The following XKR9 variants were observed in gnomAD, a reference collection of about 807,000 sequenced individuals.
XKR9 encodes XK related 9.
XKR9 carries 32 observed loss-of-function variants against 32.0 expected under a neutral mutation model. That is an observed-to-expected ratio of 1.00 (90% CI 0.76 to 1.34). XKR9 has a LOEUF of 1.34. XKR9 is among the 40% of genes most tolerant of loss of function. The probability of loss-of-function intolerance (pLI) is 0.00; values close to 1 mark genes in which losing one functional copy is unlikely to be tolerated. For missense variants in XKR9, 546 were observed against 429.7 expected (o/e 1.27, Z -2.39); for synonymous variants, 168 against 143.4 (o/e 1.17, Z -1.22).
At chr8:70,941,663 T>C in the XKR9 span, among the ~76,000 whole-genome samples, 1 of 152,122 alleles carries the variant, frequency 6.6e-6, no homozygotes, top group African/African-American at 2.4e-5. Context: ...GTGTCTTAGG[T>C]ATTAAAACTA....
the XKR9 span, among the ~76,000 whole-genome samples, chr8:70,976,488 T>A: frequency 6.6e-6 from 1 of 152,346 alleles, no homozygotes; most frequent in East Asian, 1.9e-4. Flanking sequence ...GTGGTTTTGG[T>A]CTTTGGTTCT....
the XKR9 span, among the ~76,000 whole-genome samples, chr8:70,841,255 C>T: frequency 6.6e-6 from 1 of 152,054 alleles, no homozygotes; most frequent in South Asian, 2.1e-4. Flanking sequence ...TGAGGATATA[C>T]TTAAAAATAA....
the XKR9 span, among the ~76,000 whole-genome samples, chr8:70,955,114 C>T: frequency 1.2e-4 from 19 of 152,306 alleles, no homozygotes; most frequent in African/African-American, 3.8e-4. Flanking sequence ...CAACTTCACC[C>T]GTGACTTCTG....
the XKR9 span, among the ~76,000 whole-genome samples, chr8:71,065,113 C>T: frequency 6.6e-6 from 1 of 152,060 alleles, no homozygotes; most frequent in Non-Finnish European, 1.5e-5. Context: ...AAGAAGAAAG[C>T]ATTTTGAGAA....
At chr8:70,959,994 C>T in the XKR9 span, among the ~76,000 whole-genome samples, 1 of 152,152 alleles carries the variant, frequency 6.6e-6, no homozygotes, top group Non-Finnish European at 1.5e-5. Flanking sequence ...CTTTGGGAGG[C>T]CAAGGTGGGC....
At chr8:70,931,228 T>G in the XKR9 span, among the ~76,000 whole-genome samples, 2 of 151,918 alleles carry the variant, frequency 1.3e-5, no homozygotes, top group Admixed American at 6.6e-5. Context: ...CTCATGTTAA[T>G]GAGATCTGTG....
chr8:70,775,423 T>C (rs1217309907), intron 2 of XKR9, among the ~76,000 whole-genome samples: 3 of 152,194 alleles, frequency 2.0e-5, no homozygotes, highest in Non-Finnish European at 4.4e-5. Context: ...AATATCATAC[T>C]ATTAAGCATG....
At chr8:70,960,743 G>A in the XKR9 span, among the ~76,000 whole-genome samples, 8 of 151,746 alleles carry the variant, frequency 5.3e-5, no homozygotes, top group East Asian at 1.4e-3. Context: ...GTAGTGGCAA[G>A]TGCCTGTAGT....
At chr8:70,934,725 A>T in the XKR9 span, among the ~76,000 whole-genome samples, 1 of 151,960 alleles carries the variant, frequency 6.6e-6, no homozygotes, top group South Asian at 2.1e-4. Context: ...AAATAAATGA[A>T]TTATGCATGT....
chr8:70,869,931 C>T, the XKR9 span, among the ~76,000 whole-genome samples: 1 of 152,312 alleles, frequency 6.6e-6, no homozygotes, highest in East Asian at 1.9e-4. Context: ...CATAACTTCA[C>T]TGAGCCCAAT....
At chr8:70,996,977 C>A in the XKR9 span, among the ~76,000 whole-genome samples, 1 of 152,214 alleles carries the variant, frequency 6.6e-6, no homozygotes, top group Non-Finnish European at 1.5e-5. Flanking sequence ...GGTTTCCAAT[C>A]ATACTTTGGT....
At chr8:70,823,207 A>G in the XKR9 span, among the ~76,000 whole-genome samples, 1 of 152,228 alleles carries the variant, frequency 6.6e-6, no homozygotes, top group Non-Finnish European at 1.5e-5. Flanking sequence ...TCCCACAAAT[A>G]TACTGTAACT....
chr8:70,829,704 T>C, the XKR9 span, among the ~76,000 whole-genome samples: 2,182 of 152,258 alleles, frequency 0.014, 51 homozygotes, highest in African/African-American at 0.049. Flanking sequence ...TCCCTCGGCC[T>C]CCCAAAGGGC....
At chr8:70,954,473 T>C in the XKR9 span, among the ~76,000 whole-genome samples, 1 of 152,240 alleles carries the variant, frequency 6.6e-6, no homozygotes, top group African/African-American at 2.4e-5. Context: ...GCCAGCATTA[T>C]CATTGATTAA....
chr8:70,957,221 T>G, the XKR9 span, among the ~76,000 whole-genome samples: 1 of 152,252 alleles, frequency 6.6e-6, no homozygotes, highest in Non-Finnish European at 1.5e-5. Flanking sequence ...TATTCTGTCT[T>G]TGAAACATTG....
chr8:70,931,941 G>A, the XKR9 span, among the ~76,000 whole-genome samples: 5 of 152,166 alleles, frequency 3.3e-5, no homozygotes, highest in African/African-American at 1.2e-4. Flanking sequence ...TTCAACATGA[G>A]ATTTGGAGGA....
At chr8:70,740,220 A>T (rs529749810), downstream of XKR9, among the ~76,000 whole-genome samples, 30 of 151,884 alleles carry the variant, frequency 2.0e-4, no homozygotes, top group African/African-American at 7.2e-4. Context: ...CATTCATTTC[A>T]TCTTCCATCA....
At chr8:70,879,776 GA>G in the XKR9 span, among the ~76,000 whole-genome samples, 1 of 151,786 alleles carries the variant, frequency 6.6e-6, no homozygotes, top group Non-Finnish European at 1.5e-5. Context: ...CTCATTTTAC[GA>G]GGCCAACGTC....
intron 4 of XKR9, among the ~76,000 whole-genome samples, chr8:70,731,450 G>A (rs530564941): frequency 6.6e-6 from 1 of 152,194 alleles, no homozygotes; most frequent in South Asian, 2.1e-4. Flanking sequence ...CTTTACAAAA[G>A]CCACCTTTTC....
Sources: gnomAD v4.1 joint callset for allele counts (sites outside exome capture counted in the v4.1 genomes callset) on GRCh38, gnomAD v4.1.1 for gene constraint, MANE v1.5 for transcripts, NCBI Gene and HGNC (gene_info 2026-07-23, HGNC 2026-07-21) for gene names.